EIF2AK3: variants seen among roughly 807,000 people sequenced by gnomAD.
EIF2AK3 encodes eukaryotic translation initiation factor 2-alpha kinase 3.
Under a neutral mutation model 113.5 loss-of-function variants are expected in EIF2AK3, and 50 were observed. That is an observed-to-expected ratio of 0.44 (90% CI 0.35 to 0.56). EIF2AK3 has a LOEUF of 0.56. EIF2AK3 is among the 20% of genes least tolerant of loss of function. The pLI, the probability that EIF2AK3 is intolerant of heterozygous loss-of-function variation, is 0.00. For missense variants in EIF2AK3, 1,185 were observed against 1,378.0 expected (o/e 0.86, Z 2.22); for synonymous variants, 448 against 495.4 (o/e 0.90, Z 1.27).
intron 2 of EIF2AK3, among the ~76,000 whole-genome samples, chr2:88,602,723 T>G (rs1222496622): frequency 1.3e-5 from 2 of 152,108 alleles, no homozygotes. Context: ...ACCATTAATG[T>G]TCTCACTTGT....
intron 8 of EIF2AK3, among the ~76,000 whole-genome samples, chr2:88,587,498 T>C (rs1674765915): frequency 6.6e-6 from 1 of 152,102 alleles, no homozygotes. Flanking sequence ...CTAATTTCTC[T>C]TGTCTGAGTA....
intron 1 of EIF2AK3, among the ~76,000 whole-genome samples, chr2:88,616,325 ATGCAAAATTTT>A (rs1237240346): frequency 1.3e-5 from 2 of 152,096 alleles, no homozygotes; most frequent in Non-Finnish European, 2.9e-5. Context: ...CAAATACATC[ATGCAAAATTTT>A]TGCTTAGGGC....
chr2:88,581,735 T>G (rs988594756), intron 10 of EIF2AK3, among the ~76,000 whole-genome samples: 2 of 152,256 alleles, frequency 1.3e-5, no homozygotes, highest in African/African-American at 4.8e-5. Context: ...AGTATTTTTA[T>G]TAGCAAAGGT....
chr2:88,618,587 T>C (rs1262576279), intron 1 of EIF2AK3, among the ~76,000 whole-genome samples: 1 of 152,236 alleles, frequency 6.6e-6, no homozygotes, highest in African/African-American at 2.4e-5. Context: ...ACTGGGAGAA[T>C]GTAGCCTAAC....
At chr2:88,593,426 A>G (rs769242029) in intron 3 of EIF2AK3, 21 bp from the exon 4 acceptor site, 15 of 1,613,542 alleles carry the variant, frequency 9.3e-6, no homozygotes, top group Non-Finnish European at 1.3e-5. Context: ...AAAATTAGAT[A>G]CAAAATTAGT....
rs1674423266 is a variant in EIF2AK3, at chr2:88,575,165, T to G, written c.2318A>C (p.Asp773Ala). The stretch of plus-strand genomic sequence containing the variant: ...CTCATCATTGCCATCCATAGTCCCA[T>G]CTTCCACATCACAGTCTGTAAGGCA... Reference protein sequence around the residue: ...DSCLTDCDVEDGTMDGNDEGH... With the variant: ...DSCLTDCDVEAGTMDGNDEGH... The change falls in exon 13 of 17, where the codon GAT becomes GCT. Residue 773 changes from aspartate (D) to alanine (A), a missense_variant. Coordinates refer to ENST00000303236, the MANE Select transcript of EIF2AK3 (RefSeq NM_004836.7). 6.2e-6 allele frequency: 10 copies of G among 1,613,828 alleles called. No individual in the cohort carries two copies. In the South Asian group the frequency reaches 8.8e-5, roughly 14 times the overall value.
At chr2:88,562,969 C>A (rs1193116854) in intron 14 of EIF2AK3, among the ~76,000 whole-genome samples, 3 of 152,182 alleles carry the variant, frequency 2.0e-5, no homozygotes, top group African/African-American at 7.2e-5. Context: ...TTGCTATCGT[C>A]CAGCACTGGG....
chr2:88,585,822 A>G lies in EIF2AK3; in HGVS notation c.1650+19T>C. The G allele has an allele frequency of 5.6e-6, 9 of 1,609,030 alleles. No homozygotes were observed. Among genetic ancestry groups the G allele is most frequent in the Non-Finnish European group, 7.7e-6 (9 of 1,176,258 alleles). On this transcript the variant is annotated intron_variant, in intron 9 of 16. Coordinates refer to ENST00000303236, the MANE Select transcript of EIF2AK3 (RefSeq NM_004836.7). ...GGTGGGGAAGTGGAAACCAGACAGT[A>G]AGCAACCATGATTCTTACCCTGTGA...
intron 1 of EIF2AK3, among the ~76,000 whole-genome samples, chr2:88,619,226 G>C (rs1432809166): frequency 6.6e-6 from 1 of 152,082 alleles, no homozygotes; most frequent in Non-Finnish European, 1.5e-5. Context: ...CCTGACCTCA[G>C]GTGATCTGCC....
At position 88,579,520 on chromosome 2, in the gene EIF2AK3, A is replaced by T; in HGVS notation, c.1884T>A (p.Asn628Lys). ...TTACTGAAGGTACCACCCATTACCT[A>T]TTGGGGAGACGGATCCTCTTGATAG... Reference protein sequence around the residue: ...NYAIKRIRLPNRELAREKVMR... With the variant: ...NYAIKRIRLPKRELAREKVMR... Residue 628 changes from asparagine (N) to lysine (K), a missense_variant and splice_region_variant, in exon 11 of 17, where the codon AAT (asparagine) becomes AAA (lysine). Asn to Lys is a moderately conservative substitution (Grantham distance 94). This residue lies in a region of EIF2AK3 where 877 missense variants were observed against 1,024.2 expected (regional missense o/e 0.86). Transcript: ENST00000303236. The T allele has an allele frequency of 6.2e-7, 1 of 1,613,216 alleles. No individual in the cohort carries two copies.
At position 88,584,369 on chromosome 2, in the gene EIF2AK3, T is replaced by C. The variant is rs193042300; in HGVS notation, c.1651-827A>G. On this transcript the variant is annotated intron_variant, in intron 9 of 16. Coordinates refer to ENST00000303236, the MANE Select transcript of EIF2AK3 (RefSeq NM_004836.7). The stretch of plus-strand genomic sequence containing the variant: ...CCATCTCTACAAAAAATACAAAAAT[T>C]AGCTGGGTGTGGTGGTATATGCCAA... 1.1e-4 allele frequency among the ~76,000 whole-genome samples: 17 copies of C among 151,894 alleles called. 1 individual carries two copies. Among genetic ancestry groups the C allele is most frequent in the Admixed American group, 1.1e-3 (17 of 15,270 alleles).
At chr2:88,602,947 TG>T (rs1675190568) in intron 2 of EIF2AK3, among the ~76,000 whole-genome samples, 1 of 151,944 alleles carries the variant, frequency 6.6e-6, no homozygotes, top group African/African-American at 2.4e-5. Flanking sequence ...TGCTATATCC[TG>T]GAACTTAAAG....
chr2:88,602,076 C>T (rs1460675512), intron 2 of EIF2AK3, among the ~76,000 whole-genome samples: 5 of 152,026 alleles, frequency 3.3e-5, no homozygotes, highest in Non-Finnish European at 2.9e-5. Flanking sequence ...TGGTCTCAGT[C>T]TCCTGACCTC....
chr2:88,610,603 T>C lies in EIF2AK3; in HGVS notation c.438+3121A>G, dbSNP rs151292110. ...TAAGGCAGACGCGGATACAACTGTT[T>C]TCTATTAAACCAAAAATTTAAGAGA... On this transcript the variant is annotated intron_variant, in intron 2 of 16. Coordinates refer to ENST00000303236, the MANE Select transcript of EIF2AK3 (RefSeq NM_004836.7). Among the ~76,000 whole-genome samples the C allele has an allele frequency of 1.4e-3, 219 of 152,354 alleles. 2 individuals carry two copies. Among genetic ancestry groups the C allele is most frequent in the African/African-American group, 5.2e-3 (215 of 41,588 alleles).
chr2:88,572,837 A>G (rs1350001443), intron 13 of EIF2AK3, among the ~76,000 whole-genome samples: 1 of 152,262 alleles, frequency 6.6e-6, no homozygotes, highest in Admixed American at 6.5e-5. Context: ...TAGAAACCAC[A>G]GAATAAATAA....
intron 14 of EIF2AK3, 103 bp downstream of exon 14, chr2:88,570,771 C>T: frequency 6.9e-7 from 1 of 1,451,276 alleles, no homozygotes; most frequent in Non-Finnish European, 9.7e-7. Context: ...AATTTTCAGA[C>T]TTACTGGGTT....
chr2:88,564,466 C>T (rs1371400715), intron 14 of EIF2AK3, among the ~76,000 whole-genome samples: 2 of 152,092 alleles, frequency 1.3e-5, no homozygotes, highest in African/African-American at 4.8e-5. Flanking sequence ...TACAGCTATC[C>T]TAATTTTCTA....
intron 13 of EIF2AK3, among the ~76,000 whole-genome samples, chr2:88,571,637 A>G (rs1674312083): frequency 6.6e-6 from 1 of 152,202 alleles, no homozygotes; most frequent in East Asian, 1.9e-4. Context: ...CTTGTGATCC[A>G]CTGCCACGTG....
chr2:88,585,945 C>G lies in EIF2AK3; in HGVS notation c.1546G>C (p.Val516Leu), dbSNP rs769150243. The G allele has an allele frequency of 5.6e-6, 9 of 1,613,978 alleles. No homozygotes were observed. Among genetic ancestry groups the G allele is most frequent in the East Asian group, 2.2e-5 (1 of 44,888 alleles). ...YNKNIRKKDPVLLLHWWKEIV... is the reference protein window; with the variant it reads ...YNKNIRKKDPLLLLHWWKEIV... ...TCTTTCCACCAGTGTAAAAGAAGAA[C>G]AGGATCCTTTTTGCGGATATTCTTG... The change falls in exon 9 of 17, where the codon GTT becomes CTT. Residue 516 changes from valine to leucine, a missense_variant. Physicochemically the swap from Val to Leu is conservative, Grantham distance 32. Transcript: ENST00000303236.
Sources: allele counts gnomAD v4.1 joint callset (sites outside exome capture counted in the v4.1 genomes callset), GRCh38; gene constraint gnomAD v4.1.1; regional missense constraint gnomAD v4.1.1; transcripts MANE v1.5; gene names NCBI Gene and HGNC (gene_info 2026-07-23, HGNC 2026-07-21).